RYR3: variants seen among roughly 807,000 people sequenced by gnomAD.
RYR3 encodes ryanodine receptor 3.
RYR3 carries 207 observed loss-of-function variants against 584.3 expected under a neutral mutation model. The observed-to-expected ratio is 0.35, with a 90% CI of 0.32 to 0.40. The LOEUF is 0.40. RYR3 is among the 10% of genes least tolerant of loss of function. The pLI, the probability that RYR3 is intolerant of heterozygous loss-of-function variation, is 1.00. For synonymous variants in RYR3, 2,416 were observed against 2,248.5 expected, an observed-to-expected ratio of 1.07 and a Z score of -2.11; for missense variants, 5,616 against 6,089.2, an observed-to-expected ratio of 0.92 and a Z score of 2.59.
chr15:33,685,185 T>C (rs2064902148), intron 38 of RYR3, among the ~76,000 whole-genome samples: 1 of 152,242 alleles, frequency 6.6e-6, no homozygotes, highest in Non-Finnish European at 1.5e-5. Flanking sequence ...ATCAGTGTGC[T>C]GTATTCGGGA....
At chr15:33,566,540 C>T in intron 11 of RYR3, 138 bp from the exon 12 acceptor site, 1 of 869,768 alleles carries the variant, frequency 1.1e-6, no homozygotes, top group Non-Finnish European at 1.9e-6. Flanking sequence ...TCGCTAATGT[C>T]CCATTCTCAA....
intron 13 of RYR3, among the ~76,000 whole-genome samples, chr15:33,580,620 C>T (rs995207759): frequency 6.6e-6 from 1 of 152,178 alleles, no homozygotes; most frequent in East Asian, 1.9e-4. Context: ...AGGAAAATAT[C>T]AGCTTGGGGC....
chr15:33,424,626 C>T (rs1376744837), intron 1 of RYR3, among the ~76,000 whole-genome samples: 1 of 152,190 alleles, frequency 6.6e-6, no homozygotes, highest in Non-Finnish European at 1.5e-5. Flanking sequence ...TATCCTTTCT[C>T]TGAAGCCTAT....
intron 15 of RYR3, among the ~76,000 whole-genome samples, chr15:33,585,646 G>T (rs7172076): frequency 1.3e-5 from 2 of 151,998 alleles, no homozygotes; most frequent in Admixed American, 6.5e-5. Context: ...GTCTTCTCTT[G>T]TATCTATTTT....
chr15:33,613,662 G>C (rs947879371), intron 19 of RYR3, among the ~76,000 whole-genome samples: 1 of 152,160 alleles, frequency 6.6e-6, no homozygotes, highest in East Asian at 1.9e-4. Context: ...CTCATTATAA[G>C]AAAAACTTCA....
intron 16 of RYR3, among the ~76,000 whole-genome samples, chr15:33,591,122 C>G (rs189177783): frequency 2.0e-5 from 3 of 152,250 alleles, no homozygotes; most frequent in Admixed American, 2.0e-4. Flanking sequence ...TTCAATAGCT[C>G]CTCACTTCCT....
At chr15:33,719,898 C>T (rs568806769) in intron 43 of RYR3, among the ~76,000 whole-genome samples, 128 of 152,292 alleles carry the variant, frequency 8.4e-4, no homozygotes, top group African/African-American at 3.0e-3. Context: ...ATGTTGATTC[C>T]TTCCACCATC....
chr15:33,641,043 G>A (rs1268183096), intron 27 of RYR3, among the ~76,000 whole-genome samples: 1 of 152,192 alleles, frequency 6.6e-6, no homozygotes. Flanking sequence ...TGTACAGGTA[G>A]CCCTTTTCCT....
chr15:33,642,855 T>G (rs1022209159), intron 27 of RYR3, among the ~76,000 whole-genome samples: 2 of 152,190 alleles, frequency 1.3e-5, no homozygotes, highest in African/African-American at 4.8e-5. Context: ...TGAGGAGGCT[T>G]TTTCTACAAA....
intron 42 of RYR3, among the ~76,000 whole-genome samples, chr15:33,701,798 G>T (rs2066322079): frequency 6.6e-6 from 1 of 152,166 alleles, no homozygotes; most frequent in Non-Finnish European, 1.5e-5. Context: ...CTTGAGGGAT[G>T]AGTAGAAGCT....
At chr15:33,697,415 C>T (rs2065926457) in intron 39 of RYR3, among the ~76,000 whole-genome samples, 1 of 152,160 alleles carries the variant, frequency 6.6e-6, no homozygotes, top group African/African-American at 2.4e-5. Flanking sequence ...GAATGGGCAG[C>T]CAGAAAGTAA....
chr15:33,738,311 C>T, intron 49 of RYR3, 139 bp from the exon 50 acceptor site: 1 of 849,848 alleles, frequency 1.2e-6, no homozygotes, highest in Non-Finnish European at 1.8e-6. Context: ...TGAAGGGCCT[C>T]TTTGTAGACA....
At position 33,554,543 on chromosome 15, in the gene RYR3, G is replaced by A. The variant is rs368689100; in HGVS notation, c.972+4227G>A. On this transcript the variant is annotated intron_variant, in intron 10 of 103. Transcript: ENST00000634891. ...GATCTCCTGACCTCGTGATCCGCCC[G>A]CCTCGGCCTCCCAAAGTGCTGGGAT... Among the ~76,000 whole-genome samples the A allele has an allele frequency of 3.4e-4, 51 of 152,120 alleles. No homozygotes were observed. The East Asian group carries it at 5.8e-3, about 17-fold the overall frequency.
chr15:33,478,393 T>C (rs150937444), intron 2 of RYR3, among the ~76,000 whole-genome samples: 119 of 152,220 alleles, frequency 7.8e-4, no homozygotes, highest in African/African-American at 2.5e-3. Context: ...GGAACCAATA[T>C]ATCTGTAACA....
In RYR3 at chr15:33,540,875, A is replaced by G; in HGVS notation, c.631A>G (p.Ser211Gly). 1 of 1,609,794 alleles carries G rather than the reference A, an allele frequency of 6.2e-7. No individual in the cohort carries two copies. Among genetic ancestry groups the G allele is most frequent in the Middle Eastern group, 1.7e-4 (1 of 6,048 alleles). ...GAATGTACATCCTACGTGCTCAGGAAGTAGCATCGAAGAAGGTGTGCTTCT... is the reference window on the plus strand; with the variant it reads ...GAATGTACATCCTACGTGCTCAGGAGGTAGCATCGAAGAAGGTGTGCTTCT... ...LWNVHPTCSG[S>G]SIEEGYLLGG... Residue 211 changes from serine (S) to glycine (G), a missense_variant, in exon 7 of 104, where the codon AGT becomes GGT. Coordinates refer to ENST00000634891, the MANE Select transcript of RYR3 (RefSeq NM_001036.6).
chr15:33,740,995 G>A (rs2070037092), intron 51 of RYR3, among the ~76,000 whole-genome samples: 1 of 152,250 alleles, frequency 6.6e-6, no homozygotes, highest in African/African-American at 2.4e-5. Flanking sequence ...ACTTGGGAGG[G>A]CTCTGCCTAT....
intron 1 of RYR3, among the ~76,000 whole-genome samples, chr15:33,337,156 C>A (rs1028377813): frequency 6.3e-5 from 9 of 143,274 alleles, no homozygotes; most frequent in Admixed American, 4.2e-4. Flanking sequence ...AAAAAGAGTA[C>A]ATTACTGATG....
chr15:33,644,640 C>A (rs2061999108), intron 28 of RYR3, 121 bp downstream of exon 28: 1 of 695,742 alleles, frequency 1.4e-6, no homozygotes, highest in Non-Finnish European at 2.5e-6. Flanking sequence ...CACTTACCAG[C>A]CACCTCCCCT....
chr15:33,549,189 G>A (rs1394391558), intron 9 of RYR3, among the ~76,000 whole-genome samples: 1 of 152,094 alleles, frequency 6.6e-6, no homozygotes, highest in Non-Finnish European at 1.5e-5. Flanking sequence ...AAAAATCTGA[G>A]AGTAACATAC....
Sources: allele counts gnomAD v4.1 joint callset (sites outside exome capture counted in the v4.1 genomes callset), GRCh38; gene constraint gnomAD v4.1.1; transcripts MANE v1.5; gene names NCBI Gene and HGNC (gene_info 2026-07-23, HGNC 2026-07-21).